The following IQSEC3 variants were observed in gnomAD, a reference collection of about 807,000 sequenced individuals.
IQSEC3 encodes IQ motif and Sec7 domain ArfGEF 3.
A neutral mutation model predicts 105.4 loss-of-function variants in IQSEC3; 50 were observed. That is an observed-to-expected ratio of 0.47 (90% CI 0.38 to 0.60). The LOEUF is 0.60. Among genes scored for constraint, IQSEC3 ranks in the 20% least tolerant of loss-of-function variants. IQSEC3 has a pLI of 0.00. For missense variants in IQSEC3, 1,415 were observed against 1,630.0 expected (o/e 0.87, Z 2.27); for synonymous variants, 708 against 746.0 (o/e 0.95, Z 0.83).
intron 2 of IQSEC3, among the ~76,000 whole-genome samples, chr12:124,372 A>G (rs1865313530): frequency 1.4e-5 from 2 of 143,324 alleles, no homozygotes; most frequent in African/African-American, 5.2e-5. Flanking sequence ...CTGGGCAACA[A>G]GAGTGAAACT....
chr12:149,914 C>T (rs371319593), intron 5 of IQSEC3, among the ~76,000 whole-genome samples: 3 of 152,144 alleles, frequency 2.0e-5, no homozygotes, highest in African/African-American at 7.2e-5. Flanking sequence ...TGCTGAGAAA[C>T]TTGGGTTTCA....
At chr12:126,279 A>C (rs1446017985) in intron 3 of IQSEC3, among the ~76,000 whole-genome samples, 3 of 152,106 alleles carry the variant, frequency 2.0e-5, no homozygotes, top group Non-Finnish European at 2.9e-5. Context: ...TCCAGCTTCC[A>C]CGCCCACCAA....
At chr12:125,947 G>GT in intron 3 of IQSEC3, 35 bp downstream of exon 3, 1 of 1,518,954 alleles carries the variant, frequency 6.6e-7, no homozygotes, top group South Asian at 1.2e-5. Context: ...GGGGAGGGTG[G>GT]TGAAGGGGCC....
chr12:146,878 GTTATGGCC>G (rs1866298615), intron 5 of IQSEC3, among the ~76,000 whole-genome samples: 1 of 152,104 alleles, frequency 6.6e-6, no homozygotes, highest in South Asian at 2.1e-4. Context: ...TGTCTTTGGG[GTTATGGCC>G]TTGACCCTTC....
At chr12:164,354 C>A (rs1281424112) in intron 9 of IQSEC3, among the ~76,000 whole-genome samples, 4 of 152,138 alleles carry the variant, frequency 2.6e-5, no homozygotes, top group African/African-American at 7.2e-5. Context: ...TCCCCACCCC[C>A]CTGAGAGCAG....
Position 163,668 on chromosome 12 carries a change from C to T in IQSEC3, c.2709+49C>T, listed in dbSNP as rs782210058. Reference sequence around the variant, plus strand: ...TGGGCTGGGCTGGGGCTGCCTCTGCCGCCCTGGTCAGCCTGGGCAGGGTCC... The same window carrying T: ...TGGGCTGGGCTGGGGCTGCCTCTGCTGCCCTGGTCAGCCTGGGCAGGGTCC... On this transcript the variant is annotated intron_variant, in intron 9 of 13. Transcript: ENST00000538872. 4 of 1,081,324 alleles carry T rather than the reference C, an allele frequency of 3.7e-6. No homozygotes were observed. In the African/African-American group the frequency reaches 6.2e-5, roughly 17 times the overall value. The allele number at this position is 1,081,324 out of a possible 1,614,324, so 67.0% of individuals were successfully genotyped here. A position where few individuals can be genotyped will look rare whatever the true frequency, so the allele number is the denominator to read the frequency against.
chr12:174,774 T>A lies in IQSEC3; in HGVS notation c.3290T>A (p.Val1097Asp). Residue 1097 changes from valine (V) to aspartate (D), a missense_variant, in exon 14 of 14, where the codon GTC becomes GAC. Physicochemically the swap from Val to Asp is radical, Grantham distance 152. Around this residue, in one of 6 missense-constraint regions of IQSEC3, gnomAD observed 419 missense variants for 436.2 expected, o/e 0.96. Transcript: ENST00000538872. The part of the protein sequence containing the change: ...PGTLVQCQQI[V>D]KVIVLDKPCL... ...ACCCTGGTGCAGTGCCAGCAAATTGTCAAGGTCATTGTCCTGGACAAGCCC... is the reference window on the plus strand; with the variant it reads ...ACCCTGGTGCAGTGCCAGCAAATTGACAAGGTCATTGTCCTGGACAAGCCC... 6.3e-7 allele frequency: 1 copy of A among 1,589,748 alleles called. No homozygotes were observed. The highest frequency in any genetic ancestry group is 8.5e-7 in the Non-Finnish European group (1 of 1,176,628).
intron 1 of IQSEC3, among the ~76,000 whole-genome samples, chr12:97,898 C>T (rs1425676016): frequency 2.6e-5 from 4 of 152,192 alleles, no homozygotes; most frequent in African/African-American, 9.7e-5. Context: ...CCCTGTGGGC[C>T]CCCAACACGT....
intron 1 of IQSEC3, among the ~76,000 whole-genome samples, chr12:98,432 CTCA>C (rs1864308840): frequency 6.6e-6 from 1 of 152,168 alleles, no homozygotes; most frequent in Admixed American, 6.5e-5. Context: ...TAAAAATTTC[CTCA>C]TGATTCTAAT....
At chr12:125,333 A>G (rs1865351234) in intron 2 of IQSEC3, among the ~76,000 whole-genome samples, 1 of 152,146 alleles carries the variant, frequency 6.6e-6, no homozygotes, top group Non-Finnish European at 1.5e-5. Flanking sequence ...AGCTCGTAAG[A>G]GGCAGAGCCC....
chr12:164,426 C>T (rs191136595), intron 9 of IQSEC3, among the ~76,000 whole-genome samples: 3 of 152,204 alleles, frequency 2.0e-5, no homozygotes, highest in Admixed American at 6.5e-5. Flanking sequence ...CCTGCCTCCC[C>T]GCCCTCTCCT....
At chr12:106,210 C>T (rs1417649033) in intron 2 of IQSEC3, among the ~76,000 whole-genome samples, 1 of 152,230 alleles carries the variant, frequency 6.6e-6, no homozygotes, top group African/African-American at 2.4e-5. Flanking sequence ...TGAGCATGGT[C>T]CATGTGGCTG....
chr12:70,736 C>T (rs1437756870), intron 1 of IQSEC3, among the ~76,000 whole-genome samples: 5 of 152,282 alleles, frequency 3.3e-5, no homozygotes, highest in African/African-American at 1.2e-4. Flanking sequence ...CGTTTAGTGT[C>T]CATGGATGAC....
At chr12:124,019 T>G (rs1039240990) in intron 2 of IQSEC3, among the ~76,000 whole-genome samples, 7 of 152,110 alleles carry the variant, frequency 4.6e-5, no homozygotes, top group African/African-American at 1.7e-4. Flanking sequence ...TTGCCCAGCA[T>G]GAAGGGGCTG....
chr12:174,041 C>T (rs958457697), intron 13 of IQSEC3, among the ~76,000 whole-genome samples: 14 of 152,184 alleles, frequency 9.2e-5, no homozygotes, highest in Admixed American at 4.6e-4. Flanking sequence ...GGGTCATGGC[C>T]GTGGGGAGTC....
At chr12:171,192 G>A in intron 13 of IQSEC3, 31 bp downstream of exon 13, 1 of 1,614,014 alleles carries the variant, frequency 6.2e-7, no homozygotes, top group Non-Finnish European at 8.5e-7. Context: ...CCAGGTGAGT[G>A]ACTACCCTGC....
chr12:146,701 A>G (rs1866288581), intron 5 of IQSEC3, among the ~76,000 whole-genome samples: 1 of 139,348 alleles, frequency 7.2e-6, no homozygotes, highest in Non-Finnish European at 1.6e-5. Context: ...GGAGAGTGGG[A>G]GGAAGGGAGG....
At position 157,525 on chromosome 12, in the gene IQSEC3, C is replaced by T; in HGVS notation, c.2277-3C>T. On this transcript the variant is annotated splice_polypyrimidine_tract_variant and splice_region_variant and intron_variant, in intron 6 of 13. Coordinates refer to ENST00000538872, the MANE Select transcript of IQSEC3 (RefSeq NM_001170738.2). ...GTCCGCTCTGCATCTGACCCCCCCA[C>T]AGCCAGCGCTACTGCATGTGCAACC... is the stretch of plus-strand genomic sequence containing the variant. 6.2e-7 allele frequency: 1 copy of T among 1,609,942 alleles called. No individual in the cohort carries two copies. The highest frequency in any genetic ancestry group is 8.5e-7 in the Non-Finnish European group (1 of 1,177,590).
At chr12:137,630 TAA>T (rs58024959) in intron 3 of IQSEC3, 39,261 of 132,012 alleles carry the variant, frequency 0.3, 5,491 homozygotes, top group South Asian at 0.47. Context: ...GACATGAACT[TAA>T]AAAAAAAAAA....
Sources: allele counts gnomAD v4.1 joint callset (sites outside exome capture counted in the v4.1 genomes callset), GRCh38; gene constraint gnomAD v4.1.1; regional missense constraint gnomAD v4.1.1; transcripts MANE v1.5; gene names NCBI Gene and HGNC (gene_info 2026-07-23, HGNC 2026-07-21).